Variants in PKD1L3 observed in about 807,000 individuals in gnomAD.
PKD1L3 encodes the protein polycystin-1-like protein 3.
A neutral mutation model predicts 184.1 loss-of-function variants in PKD1L3; 239 were observed. That is an observed-to-expected ratio of 1.30 (90% CI 1.17 to 1.45). The LOEUF is 1.45. PKD1L3 is among the 40% of genes most tolerant of loss of function. PKD1L3 has a pLI of 0.00. For missense variants in PKD1L3, 2,660 were observed against 2,067.2 expected (o/e 1.29, Z -5.56); for synonymous variants, 996 against 778.8 (o/e 1.28, Z -4.64).
At chr16:71,953,964 C>G in intron 17 of PKD1L3, 141 bp downstream of exon 17, 1 of 643,732 alleles carries the variant, frequency 1.6e-6, no homozygotes, top group Non-Finnish European at 2.4e-6. Context: ...GCCTGTAATC[C>G]TAGCACTTCA....
Position 71,969,985 on chromosome 16 carries a change from G to A in PKD1L3, c.2074C>T (p.Leu692Phe). ...CCAACAGGATTGTTGGTCACGCGAA[G>A]GAACAGTTTGATCGTGTCTTCAACA... is the stretch of plus-strand genomic sequence containing the variant. Reference protein sequence around the residue: ...VNVEDTIKLFLRVTNNPVGVS... With the variant: ...VNVEDTIKLFFRVTNNPVGVS... Residue 692 changes from leucine to phenylalanine, a missense_variant, in exon 13 of 30, where the codon CTT (leucine) becomes TTT (phenylalanine). By Grantham distance (22) the Leu-to-Phe change is conservative. Coordinates refer to ENST00000620267, the MANE Select transcript of PKD1L3 (RefSeq NM_181536.2). 6.4e-7 allele frequency: 1 copy of A among 1,551,770 alleles called. No individual in the cohort carries two copies. The highest frequency in any genetic ancestry group is 8.7e-7 in the Non-Finnish European group (1 of 1,147,026).
chr16:71,937,524 G>A (rs1195261886), intron 24 of PKD1L3, 105 bp from the exon 25 acceptor site: 1 of 1,282,456 alleles, frequency 7.8e-7, no homozygotes, highest in Non-Finnish European at 1.1e-6. Context: ...ATCATCAAAT[G>A]TTTCTGAGTC....
At chr16:71,938,193 C>T (rs547895248) in intron 24 of PKD1L3, among the ~76,000 whole-genome samples, 3 of 152,374 alleles carry the variant, frequency 2.0e-5, no homozygotes, top group Admixed American at 2.0e-4. Context: ...TGCATGGCCT[C>T]TCCCCACTCC....
chr16:71,952,560 CACGGTGGCTT>C (rs2038881041), intron 18 of PKD1L3, among the ~76,000 whole-genome samples: 1 of 149,036 alleles, frequency 6.7e-6, no homozygotes, highest in African/African-American at 2.4e-5. Context: ...ACTGGCTGGG[CACGGTGGCTT>C]ACGCCTGAAA....
At chr16:71,938,368 C>A (rs1834035) in intron 24 of PKD1L3, among the ~76,000 whole-genome samples, 2 of 152,170 alleles carry the variant, frequency 1.3e-5, no homozygotes, top group African/African-American at 4.8e-5. Context: ...GGGTGGCTTG[C>A]CATGGGCCCG....
At chr16:71,954,357 A>C in intron 16 of PKD1L3, 56 bp from the exon 17 acceptor site, 1 of 1,381,306 alleles carries the variant, frequency 7.2e-7, no homozygotes, top group East Asian at 2.6e-5. Context: ...AAAGTGCACC[A>C]GTTTAAGATG....
Position 71,982,108 on chromosome 16 carries a change from G to A in PKD1L3, c.1094C>T (p.Thr365Ile), listed in dbSNP as rs778378343. ...VCPFHSLNNV[T>I]KAGEGSWLES... Reference sequence around the variant, plus strand: ...CAGCCAACTTCCTTCTCCAGCTTTGGTGACATTGTTGAGGGAATGAAAGGG... The same window carrying A: ...CAGCCAACTTCCTTCTCCAGCTTTGATGACATTGTTGAGGGAATGAAAGGG... Residue 365 changes from threonine (T) to isoleucine (I), a missense_variant, in exon 7 of 30, where the codon ACC becomes ATC. Thr to Ile is a moderately conservative substitution (Grantham distance 89, BLOSUM62 -1). Coordinates refer to ENST00000620267, the MANE Select transcript of PKD1L3 (RefSeq NM_181536.2). 36 of 1,551,466 alleles carry A rather than the reference G, an allele frequency of 2.3e-5. 1 individual carries two copies. In the Admixed American group the frequency reaches 6.5e-4, roughly 28 times the overall value.
Position 71,930,100 on chromosome 16 carries a change from G to T in PKD1L3, c.5010C>A (p.Phe1670Leu), listed in dbSNP as rs369891442. 6.4e-7 allele frequency: 1 copy of T among 1,551,350 alleles called. No homozygotes were observed. Residue 1670 changes from phenylalanine to leucine, a missense_variant, in exon 29 of 30, where the codon TTC becomes TTA. Coordinates refer to ENST00000620267, the MANE Select transcript of PKD1L3 (RefSeq NM_181536.2). Reference sequence around the variant, plus strand: ...CAAAGGCCATGAGAATGGCCGAAACGAAAAGATTAATTACCACAAGTACCA... The same window carrying T: ...CAAAGGCCATGAGAATGGCCGAAACTAAAAGATTAATTACCACAAGTACCA... ...ILMVLVVINL[F>L]VSAILMAFGK...
intron 25 of PKD1L3, among the ~76,000 whole-genome samples, chr16:71,936,323 C>G (rs1222079983): frequency 6.7e-6 from 1 of 150,292 alleles, no homozygotes; most frequent in Non-Finnish European, 1.5e-5. Context: ...CTGCCCCAGT[C>G]TCCCGAGTAG....
chr16:71,950,073 G>T (rs1471475106), intron 20 of PKD1L3, 45 bp downstream of exon 20: 1 of 1,549,062 alleles, frequency 6.5e-7, no homozygotes, highest in South Asian at 1.2e-5. Flanking sequence ...GATAGAGGAT[G>T]AGGAAGATTA....
At chr16:71,943,326 C>T (rs1170896984) in intron 23 of PKD1L3, among the ~76,000 whole-genome samples, 1 of 151,950 alleles carries the variant, frequency 6.6e-6, no homozygotes, top group African/African-American at 2.4e-5. Flanking sequence ...CACCTGAGGT[C>T]AGGAGTTCGA....
At chr16:71,964,975 T>G (rs1302301804) in intron 15 of PKD1L3, among the ~76,000 whole-genome samples, 2 of 152,000 alleles carry the variant, frequency 1.3e-5, no homozygotes, top group African/African-American at 4.8e-5. Context: ...GCCCCCCAAG[T>G]AGCTGGGAGT....
chr16:71,959,761 G>GA lies in PKD1L3; in HGVS notation c.2612+3443dup, dbSNP rs1476464507. ...AGAAGAGGAACAGAAGCAGGAAGTG[G>GA]AAAAACAAGAGGAGAAAGAGGAAAA... On this transcript the variant is annotated intron_variant, in intron 16 of 29. Coordinates refer to ENST00000620267, the MANE Select transcript of PKD1L3 (RefSeq NM_181536.2). 2.0e-5 allele frequency among the ~76,000 whole-genome samples: 3 copies of GA among 152,180 alleles called. No homozygotes were observed. The East Asian group carries it at 5.8e-4, about 29-fold the overall frequency.
At position 71,979,783 on chromosome 16, in the gene PKD1L3, C is replaced by G. The variant is rs1297238664; in HGVS notation, c.1398+3G>C. 1.3e-6 allele frequency: 2 copies of G among 1,495,496 alleles called. No homozygotes were observed. The highest frequency in any genetic ancestry group is 8.9e-7 in the Non-Finnish European group (1 of 1,126,532). The allele number at this position is 1,495,496 out of a possible 1,614,324, so 92.6% of individuals were successfully genotyped here. The stretch of plus-strand genomic sequence containing the variant: ...TTCTGATCACAATCAATTTCACACT[C>G]ACTTGGACATTAACTCCTGGATGTT... On this transcript the variant is annotated splice_donor_region_variant and intron_variant, in intron 9 of 29. Transcript: ENST00000620267.
intron 22 of PKD1L3, among the ~76,000 whole-genome samples, chr16:71,946,399 T>C (rs1272115951): frequency 2.0e-5 from 3 of 152,206 alleles, no homozygotes; most frequent in African/African-American, 7.2e-5. Context: ...TATCTATAAA[T>C]GCATAGAGGA....
Position 72,000,010 on chromosome 16 carries a change from G to A in PKD1L3, c.-32C>T, listed in dbSNP as rs1225595472. The A allele has an allele frequency of 1.4e-6, 2 of 1,460,488 alleles. No homozygotes were observed. Among genetic ancestry groups the A allele is most frequent in the African/African-American group, 1.4e-5 (1 of 70,360 alleles). The allele number at this position is 1,460,488 out of a possible 1,614,324, so 90.5% of individuals were successfully genotyped here. A position where few individuals can be genotyped will look rare whatever the true frequency, so the allele number is the denominator to read the frequency against. On this transcript the variant is annotated 5_prime_UTR_variant, in exon 1 of 30. Transcript: ENST00000620267. ...TGAATTGTAGCAAGAAAAAGTGTGG[G>A]GGTTTAGCAGCTGCCTGGTCCTTTA...
At chr16:71,943,569 C>T (rs1027068954) in intron 23 of PKD1L3, among the ~76,000 whole-genome samples, 3 of 146,800 alleles carry the variant, frequency 2.0e-5, no homozygotes, top group Non-Finnish European at 3.0e-5. Context: ...CATAAAATCC[C>T]GCACAAGAAA....
intron 16 of PKD1L3, among the ~76,000 whole-genome samples, chr16:71,956,543 G>A (rs748421161): frequency 1.3e-5 from 2 of 152,118 alleles, no homozygotes; most frequent in Non-Finnish European, 2.9e-5. Flanking sequence ...GAACCTTGAG[G>A]ACATTGTGAT....
chr16:71,973,234 T>A, intron 12 of PKD1L3, 90 bp downstream of exon 12: 1 of 1,394,086 alleles, frequency 7.2e-7, no homozygotes, highest in East Asian at 2.5e-5. Context: ...TATTTTTCTT[T>A]CTGGGCTGCC....
Sources: allele counts gnomAD v4.1 joint callset (sites outside exome capture counted in the v4.1 genomes callset), GRCh38; gene constraint gnomAD v4.1.1; transcripts MANE v1.5; gene names NCBI Gene and HGNC (gene_info 2026-07-23, HGNC 2026-07-21).